The following TEX9 variants were observed in gnomAD, a reference collection of about 807,000 sequenced individuals.
TEX9 encodes the protein testis expressed 9, also known as testis-expressed protein 9.
In TEX9, 74 loss-of-function variants were observed where a neutral mutation model predicts 59.6. The observed-to-expected ratio is 1.24, with a 90% CI of 1.03 to 1.51. The LOEUF (loss-of-function observed/expected upper bound fraction) is 1.51. TEX9 is among the 40% of genes most tolerant of loss of function. TEX9 has a pLI of 0.00. For synonymous variants in TEX9, 186 were observed against 152.2 expected (o/e 1.22, Z -1.64); for missense variants, 522 against 447.8 (o/e 1.17, Z -1.49).
intron 1 of TEX9, among the ~76,000 whole-genome samples, chr15:56,350,410 C>T (rs1306277136): frequency 6.6e-6 from 1 of 152,088 alleles, no homozygotes; most frequent in African/African-American, 2.4e-5. Context: ...CCAGAAACAG[C>T]AATGGGAAAG....
intron 1 of TEX9, among the ~76,000 whole-genome samples, chr15:56,265,094 A>C (rs2044349567): frequency 6.6e-6 from 1 of 151,226 alleles, no homozygotes; most frequent in Admixed American, 6.6e-5. Flanking sequence ...TTTTCCTTAA[A>C]AATTTTCTGC....
chr15:56,290,614 C>T (rs1485486768), intron 1 of TEX9, among the ~76,000 whole-genome samples: 2 of 151,936 alleles, frequency 1.3e-5, no homozygotes, highest in East Asian at 1.9e-4. Flanking sequence ...ACAATCAATA[C>T]CAGCTAATTT....
At chr15:56,380,316 T>C (rs2063462665) in intron 3 of TEX9, among the ~76,000 whole-genome samples, 1 of 152,214 alleles carries the variant, frequency 6.6e-6, no homozygotes, top group Non-Finnish European at 1.5e-5. Context: ...CTCTACACTT[T>C]ACTTTTATCT....
At chr15:56,304,078 A>C (rs2045421869) in intron 1 of TEX9, among the ~76,000 whole-genome samples, 1 of 152,224 alleles carries the variant, frequency 6.6e-6, no homozygotes, top group Admixed American at 6.5e-5. Context: ...TTAAAGAACT[A>C]ATATCAATTT....
intron 3 of TEX9, among the ~76,000 whole-genome samples, chr15:56,376,558 G>A (rs1365509616): frequency 6.6e-6 from 1 of 152,030 alleles, no homozygotes; most frequent in African/African-American, 2.4e-5. Context: ...TGTTTTTCTT[G>A]AGAAATGTCT....
At chr15:56,337,758 T>C (rs1228300084) in intron 1 of TEX9, among the ~76,000 whole-genome samples, 2 of 152,224 alleles carry the variant, frequency 1.3e-5, no homozygotes, top group Non-Finnish European at 2.9e-5. Flanking sequence ...AAACAAGCCA[T>C]GTGTAGAAAA....
intron 1 of TEX9, among the ~76,000 whole-genome samples, chr15:56,250,844 A>G (rs2043998207): frequency 6.6e-6 from 1 of 152,184 alleles, no homozygotes. Context: ...ATTTAGGATA[A>G]TCTACTTAAG....
At chr15:56,383,830 CT>C in intron 3 of TEX9, 121 bp from the exon 4 acceptor site, 1 of 635,264 alleles carries the variant, frequency 1.6e-6, no homozygotes, top group Non-Finnish European at 2.7e-6. Flanking sequence ...AATTCCGTGC[CT>C]TTATGTTATG....
chr15:56,450,727 T>G (rs1295080152), downstream of TEX9, among the ~76,000 whole-genome samples: 1 of 152,174 alleles, frequency 6.6e-6, no homozygotes, highest in African/African-American at 2.4e-5. Flanking sequence ...TATACAAGTA[T>G]CCATTTAAGT....
At chr15:56,436,361 A>G (rs1248069041) in intron 12 of TEX9, among the ~76,000 whole-genome samples, 7 of 152,124 alleles carry the variant, frequency 4.6e-5, no homozygotes, top group African/African-American at 9.7e-5. Context: ...TGACTACTGG[A>G]TGCATAACGA....
chr15:56,423,057 T>C (rs542693012), intron 10 of TEX9, among the ~76,000 whole-genome samples: 86 of 152,302 alleles, frequency 5.6e-4, no homozygotes, highest in African/African-American at 1.9e-3. Flanking sequence ...CAGTGGACAG[T>C]TGAGCTGCTT....
At chr15:56,389,426 C>A in intron 6 of TEX9, 26 bp downstream of exon 6, 1 of 1,499,462 alleles carries the variant, frequency 6.7e-7, no homozygotes, top group Non-Finnish European at 9.1e-7. Context: ...CAAAGTATTT[C>A]TTTTTTTTTA....
intron 1 of TEX9, among the ~76,000 whole-genome samples, chr15:56,273,042 C>T (rs1462328057): frequency 6.6e-6 from 1 of 151,936 alleles, no homozygotes; most frequent in African/African-American, 2.4e-5. Flanking sequence ...CAACCTCCGC[C>T]TCCCGAGTTC....
chr15:56,321,061 A>G (rs1234561615), intron 1 of TEX9, among the ~76,000 whole-genome samples: 3 of 152,224 alleles, frequency 2.0e-5, no homozygotes, highest in Admixed American at 2.0e-4. Context: ...TACAGGAGCT[A>G]ACCTGTGAGC....
chr15:56,428,059 C>A (rs923671476), intron 11 of TEX9, among the ~76,000 whole-genome samples: 1 of 151,978 alleles, frequency 6.6e-6, no homozygotes, highest in Non-Finnish European at 1.5e-5. Context: ...AACCTTAGAG[C>A]GAACATCACT....
chr15:56,288,169 C>G (rs1307991735), intron 1 of TEX9, among the ~76,000 whole-genome samples: 1 of 152,168 alleles, frequency 6.6e-6, no homozygotes, highest in Admixed American at 6.5e-5. Context: ...TCCCTTTTCT[C>G]CACATTCTTG....
chr15:56,330,653 C>T lies in TEX9; in HGVS notation c.-106-42788C>T, dbSNP rs375434733. Among the ~76,000 whole-genome samples, 6 of 151,716 alleles carry T rather than the reference C, an allele frequency of 4.0e-5. No individual in the cohort carries two copies. The East Asian group carries it at 5.8e-4, about 15-fold the overall frequency. Reference sequence around the variant, plus strand: ...ATTTGCTAGTCTCATAGTAACCTCACATCAAAAAATGCACAACAGATACAC... The same window carrying T: ...ATTTGCTAGTCTCATAGTAACCTCATATCAAAAAATGCACAACAGATACAC... On this transcript the variant is annotated intron_variant, in intron 1 of 5. Coordinates refer to the TEX9 transcript ENST00000560827.
intron 1 of TEX9, among the ~76,000 whole-genome samples, chr15:56,283,580 C>A (rs2044871317): frequency 6.6e-6 from 1 of 152,086 alleles, no homozygotes; most frequent in South Asian, 2.1e-4. Flanking sequence ...TGTAGATTCT[C>A]ACTTCACGTC....
chr15:56,311,202 T>C (rs1459385391), intron 1 of TEX9, among the ~76,000 whole-genome samples: 2 of 148,368 alleles, frequency 1.3e-5, no homozygotes, highest in African/African-American at 5.0e-5. Context: ...TGCAGGTTAG[T>C]TACATATGTA....
Sources: allele counts gnomAD v4.1 joint callset (sites outside exome capture counted in the v4.1 genomes callset), GRCh38; gene constraint gnomAD v4.1.1; transcripts MANE v1.5; gene names NCBI Gene and HGNC (gene_info 2026-07-23, HGNC 2026-07-21).